Variants in DNAJC1 observed in about 807,000 individuals in gnomAD.
The protein encoded by DNAJC1 is DnaJ heat shock protein family (Hsp40) member C1, also known as dnaJ homolog subfamily C member 1.
DNAJC1 carries 58 observed loss-of-function variants against 76.6 expected under a neutral mutation model. The observed-to-expected ratio is 0.76, with a 90% CI of 0.61 to 0.94. DNAJC1 has a LOEUF of 0.94. DNAJC1 is among the 40% of genes least tolerant of loss of function. DNAJC1 has a pLI of 0.00. For synonymous variants in DNAJC1, 258 were observed against 267.9 expected (o/e 0.96, Z 0.36); for missense variants, 689 against 677.3 (o/e 1.02, Z -0.19).
At chr10:21,807,115 C>T (rs1365516217) in intron 8 of DNAJC1, among the ~76,000 whole-genome samples, 4 of 152,004 alleles carry the variant, frequency 2.6e-5, no homozygotes, top group Non-Finnish European at 5.9e-5. Context: ...AGGAAGCCTA[C>T]CTTATTTTCC....
intron 9 of DNAJC1, among the ~76,000 whole-genome samples, chr10:21,803,299 C>G (rs1826618560): frequency 1.3e-5 from 2 of 152,002 alleles, no homozygotes; most frequent in Admixed American, 1.3e-4. Flanking sequence ...CTGTGCAAAG[C>G]CAGGGAGAAC....
chr10:21,774,964 C>T (rs1589975353), intron 9 of DNAJC1, among the ~76,000 whole-genome samples: 1 of 152,162 alleles, frequency 6.6e-6, no homozygotes, highest in African/African-American at 2.4e-5. Flanking sequence ...CAAGAACAAA[C>T]TTCCTGTTTC....
At chr10:21,848,882 T>A (rs1226443720) in intron 8 of DNAJC1, among the ~76,000 whole-genome samples, 1 of 151,892 alleles carries the variant, frequency 6.6e-6, no homozygotes, top group East Asian at 1.9e-4. Context: ...AACCAATGAG[T>A]ACAAGAAAAA....
At chr10:21,862,488 G>A (rs532555554) in intron 8 of DNAJC1, among the ~76,000 whole-genome samples, 13 of 145,474 alleles carry the variant, frequency 8.9e-5, no homozygotes, top group Admixed American at 4.8e-4. Flanking sequence ...GAGTGCAGTC[G>A]TGTGATCTTG....
chr10:21,822,833 C>T, intron 8 of DNAJC1, among the ~76,000 whole-genome samples: 1 of 151,316 alleles, frequency 6.6e-6, no homozygotes, highest in African/African-American at 2.4e-5. Flanking sequence ...CTTGAAAATT[C>T]TAAAGATCAG....
intron 8 of DNAJC1, among the ~76,000 whole-genome samples, chr10:21,832,211 T>C (rs1835368840): frequency 6.6e-6 from 1 of 152,216 alleles, no homozygotes; most frequent in African/African-American, 2.4e-5. Context: ...CACTTTTTCA[T>C]GTCCTATTTT....
At chr10:21,857,585 GAGA>G (rs1160694951) in intron 8 of DNAJC1, among the ~76,000 whole-genome samples, 9 of 152,152 alleles carry the variant, frequency 5.9e-5, no homozygotes, top group African/African-American at 2.2e-4. Flanking sequence ...AAGGGAGAGA[GAGA>G]AGAAGGAAAT....
chr10:21,945,620 G>C (rs2100034661), intron 1 of DNAJC1, among the ~76,000 whole-genome samples: 1 of 152,134 alleles, frequency 6.6e-6, no homozygotes, highest in Non-Finnish European at 1.5e-5. Context: ...TTGGTTGTAA[G>C]ATGAAAGTAT....
At chr10:21,900,346 A>C (rs2131740702) in intron 7 of DNAJC1, among the ~76,000 whole-genome samples, 1 of 152,150 alleles carries the variant, frequency 6.6e-6, no homozygotes. Flanking sequence ...CCATCTCAAA[A>C]AAAAAAAGCA....
chr10:21,943,850 G>A (rs922265324), intron 1 of DNAJC1, among the ~76,000 whole-genome samples: 3 of 151,822 alleles, frequency 2.0e-5, no homozygotes, highest in Non-Finnish European at 4.4e-5. Context: ...AGTCAGGAAA[G>A]TGAGAAAGAT....
At chr10:21,871,869 G>A (rs1045082297) in intron 8 of DNAJC1, among the ~76,000 whole-genome samples, 3 of 151,614 alleles carry the variant, frequency 2.0e-5, no homozygotes, top group African/African-American at 4.9e-5. Context: ...TCCTGGCCTC[G>A]AGTGATCCTC....
At chr10:21,985,047 T>C (rs546342500) in intron 1 of DNAJC1, among the ~76,000 whole-genome samples, 5 of 152,148 alleles carry the variant, frequency 3.3e-5, no homozygotes, top group Non-Finnish European at 5.9e-5. Flanking sequence ...TAAAATAACG[T>C]CTTATTTTTC....
intron 7 of DNAJC1, among the ~76,000 whole-genome samples, chr10:21,892,065 C>T (rs922751915): frequency 1.1e-4 from 16 of 151,800 alleles, no homozygotes; most frequent in African/African-American, 3.6e-4. Flanking sequence ...TTATATGTCA[C>T]TTGAAATAGC....
intron 1 of DNAJC1, among the ~76,000 whole-genome samples, chr10:21,981,292 T>C (rs1838153127): frequency 6.6e-6 from 1 of 152,184 alleles, no homozygotes; most frequent in Non-Finnish European, 1.5e-5. Context: ...GTTAGATTAT[T>C]CTGAATGATA....
chr10:21,920,797 C>G lies in DNAJC1; in HGVS notation c.537+1G>C. 6.2e-7 allele frequency: 1 copy of G among 1,606,066 alleles called. No homozygotes were observed. The highest frequency in any genetic ancestry group is 8.5e-7 in the Non-Finnish European group (1 of 1,175,284). On this transcript the variant is annotated splice_donor_variant, in intron 4 of 11. Transcript: ENST00000376980. LOFTEE classifies it high-confidence loss of function. Reference sequence around the variant, plus strand: ...TCATTTGATTTATTACTAACACTTACCAGTTGTTTTTCCAGGTAGATTGAC... The same window carrying G: ...TCATTTGATTTATTACTAACACTTAGCAGTTGTTTTTCCAGGTAGATTGAC...
intron 9 of DNAJC1, 59 bp from the exon 10 acceptor site, chr10:21,766,368 GAAACGATTCCATGT>G: frequency 7.8e-7 from 1 of 1,275,244 alleles, no homozygotes; most frequent in Non-Finnish European, 1.1e-6. Flanking sequence ...TATGCTGAGT[GAAACGATTCCATGT>G]AAGCTCCATG....
At chr10:21,762,900 C>T (rs1056611675) in intron 10 of DNAJC1, among the ~76,000 whole-genome samples, 1 of 152,168 alleles carries the variant, frequency 6.6e-6, no homozygotes, top group African/African-American at 2.4e-5. Context: ...TAGAATAACA[C>T]ATAACAAAGA....
chr10:21,886,828 CACAAG>C (rs1301506648), intron 7 of DNAJC1, among the ~76,000 whole-genome samples: 5 of 151,690 alleles, frequency 3.3e-5, no homozygotes, highest in Non-Finnish European at 7.4e-5. Context: ...TGAAAATTGG[CACAAG>C]ACAAGGATGC....
chr10:21,828,705 C>G (rs186088124), intron 8 of DNAJC1, among the ~76,000 whole-genome samples: 179 of 152,268 alleles, frequency 1.2e-3, no homozygotes, highest in African/African-American at 4.2e-3. Context: ...TACTTTAAAG[C>G]AAATCTAAAA....
Sources: gnomAD v4.1 joint callset for allele counts (sites outside exome capture counted in the v4.1 genomes callset) on GRCh38, gnomAD v4.1.1 for gene constraint, MANE v1.5 for transcripts, NCBI Gene and HGNC (gene_info 2026-07-23, HGNC 2026-07-21) for gene names.